SECISBP2: variants seen among roughly 807,000 people sequenced by gnomAD.
SECISBP2 encodes the protein selenocysteine insertion sequence-binding protein 2.
In SECISBP2, 96 loss-of-function variants were observed where a neutral mutation model predicts 98.2. The ratio of observed to expected loss-of-function variants is 0.98; its 90% CI spans 0.83 to 1.16. The LOEUF (loss-of-function observed/expected upper bound fraction) is 1.16. SECISBP2 is among the 50% of genes most tolerant of loss of function. The probability of loss-of-function intolerance (pLI) is 0.00; values close to 1 mark genes in which losing one functional copy is unlikely to be tolerated. For synonymous variants in SECISBP2, 407 were observed against 370.2 expected (o/e 1.10, Z -1.14); for missense variants, 1,046 against 1,022.9 (o/e 1.02, Z -0.31).
chr9:89,344,225 T>C (rs1830108629), intron 10 of SECISBP2, among the ~76,000 whole-genome samples: 1 of 152,230 alleles, frequency 6.6e-6, no homozygotes, highest in African/African-American at 2.4e-5. Flanking sequence ...CTTTGTCCGA[T>C]GGATAGATTG....
At chr9:89,351,260 C>T (rs1444642303) in intron 14 of SECISBP2, among the ~76,000 whole-genome samples, 1 of 152,224 alleles carries the variant, frequency 6.6e-6, no homozygotes, top group Non-Finnish European at 1.5e-5. Flanking sequence ...CTGTGGTTGA[C>T]TCATCTGTTT....
chr9:89,355,979 A>AT (rs1399089762), intron 14 of SECISBP2, among the ~76,000 whole-genome samples: 4 of 151,958 alleles, frequency 2.6e-5, no homozygotes, highest in Non-Finnish European at 4.4e-5. Flanking sequence ...ATCTTTTTAT[A>AT]TTTTTTCCAT....
chr9:89,318,512 T>C lies in SECISBP2; in HGVS notation c.-65T>C, dbSNP rs970504680. The C allele has an allele frequency of 6.7e-7, 1 of 1,487,666 alleles. No homozygotes were observed. Among genetic ancestry groups the C allele is most frequent in the Non-Finnish European group, 9.0e-7 (1 of 1,112,286 alleles). 92.2% of individuals were successfully genotyped at this position (1,487,666 alleles called of 1,614,324 possible). Reference sequence around the variant, plus strand: ...CGCCTGCGGGGGCGGAAACGCTTTGTCTGTCCGGCAAGCCGACGGCCCGCT... The same window carrying C: ...CGCCTGCGGGGGCGGAAACGCTTTGCCTGTCCGGCAAGCCGACGGCCCGCT... On this transcript the variant is annotated 5_prime_UTR_variant, in exon 1 of 17. Coordinates refer to ENST00000375807, the MANE Select transcript of SECISBP2 (RefSeq NM_024077.5).
At chr9:89,362,843 C>A (rs1832911071), downstream of SECISBP2, among the ~76,000 whole-genome samples, 2 of 152,190 alleles carry the variant, frequency 1.3e-5, no homozygotes, top group Admixed American at 6.5e-5. Context: ...GTGATGAATC[C>A]CTGCCTTTGC....
intron 4 of SECISBP2, among the ~76,000 whole-genome samples, chr9:89,327,124 C>G (rs1826851391): frequency 6.6e-6 from 1 of 151,650 alleles, no homozygotes; most frequent in South Asian, 2.1e-4. Flanking sequence ...ATCAAGCGTC[C>G]CTGCACTCCA....
chr9:89,333,960 C>A, intron 6 of SECISBP2: 1 of 977,598 alleles, frequency 1.0e-6, no homozygotes, highest in Non-Finnish European at 1.2e-6. Flanking sequence ...GGGGTAGCCA[C>A]AGGCTGCTGA....
chr9:89,324,043 C>G (rs995396869), intron 2 of SECISBP2: 1 of 152,314 alleles, frequency 6.6e-6, no homozygotes, highest in Non-Finnish European at 1.5e-5. Context: ...GTTCATTTAT[C>G]TATTTATTGG....
At chr9:89,319,158 A>G in intron 1 of SECISBP2, 1 of 693,702 alleles carries the variant, frequency 1.4e-6, no homozygotes, top group African/African-American at 2.0e-5. Flanking sequence ...TTTTCTAGCA[A>G]AGCAAGGTTT....
the SECISBP2 span, among the ~76,000 whole-genome samples, chr9:89,366,917 A>C: frequency 6.6e-6 from 1 of 152,176 alleles, no homozygotes; most frequent in Non-Finnish European, 1.5e-5. Flanking sequence ...CTTGAGACTA[A>C]GAATCTGGGT....
chr9:89,366,916 A>AAG, the SECISBP2 span, among the ~76,000 whole-genome samples: 1 of 152,138 alleles, frequency 6.6e-6, no homozygotes, highest in African/African-American at 2.4e-5. Flanking sequence ...CCTTGAGACT[A>AAG]AGAATCTGGG....
rs1488299342 is a variant in SECISBP2, at chr9:89,338,512, A to G, written c.1144A>G (p.Lys382Glu). The G allele has an allele frequency of 6.2e-7, 1 of 1,613,354 alleles. No homozygotes were observed. ...LEQNEASRKN[K>E]KKKEKSTSKY... Reference sequence around the variant, plus strand: ...ACAAAATGAAGCCTCAAGAAAGAATAAGAAAAAGAAAGAAAAATCTACATC... The same window carrying G: ...ACAAAATGAAGCCTCAAGAAAGAATGAGAAAAAGAAAGAAAAATCTACATC... Residue 382 changes from lysine (K) to glutamate (E), a missense_variant, in exon 8 of 17, where the codon AAG (lysine) becomes GAG (glutamate). Lys to Glu is a moderately conservative substitution (Grantham distance 56). Coordinates refer to ENST00000375807, the MANE Select transcript of SECISBP2 (RefSeq NM_024077.5).
chr9:89,319,869 C>A, intron 2 of SECISBP2, 72 bp downstream of exon 2: 1 of 1,518,028 alleles, frequency 6.6e-7, no homozygotes, highest in Non-Finnish European at 9.1e-7. Flanking sequence ...CTTTCAAATA[C>A]TCAGCAGTTA....
chr9:89,321,076 C>T (rs1305037531), intron 2 of SECISBP2, among the ~76,000 whole-genome samples: 1 of 152,150 alleles, frequency 6.6e-6, no homozygotes, highest in Admixed American at 6.5e-5. Flanking sequence ...TGAAACACTA[C>T]CTTTATATGC....
Position 89,358,038 on chromosome 9 carries a change from C to G in SECISBP2, c.2308C>G (p.Arg770Gly). The G allele has an allele frequency of 6.2e-7, 1 of 1,613,540 alleles. No individual in the cohort carries two copies. ...HKMVELTVAA[R>G]QAYKTMLENV... ...GATGGTTGAGCTGACAGTGGCGGCCCGACAGGCGTACAAGACCATGCTGGA... is the reference window on the plus strand; with the variant it reads ...GATGGTTGAGCTGACAGTGGCGGCCGGACAGGCGTACAAGACCATGCTGGA... The change falls in exon 16 of 17, where the codon CGA becomes GGA. Residue 770 changes from arginine (R) to glycine (G), a missense_variant. Physicochemically the swap from Arg to Gly is moderately radical, Grantham distance 125. Coordinates refer to ENST00000375807, the MANE Select transcript of SECISBP2 (RefSeq NM_024077.5).
chr9:89,332,133 G>T (rs796638303), intron 5 of SECISBP2, among the ~76,000 whole-genome samples: 2 of 152,088 alleles, frequency 1.3e-5, no homozygotes, highest in African/African-American at 4.8e-5. Context: ...AACTGCTTAG[G>T]CTTTTTTAAA....
At chr9:89,340,075 A>G (rs1829429127) in intron 9 of SECISBP2, 122 bp downstream of exon 9, 1 of 714,048 alleles carries the variant, frequency 1.4e-6, no homozygotes, top group South Asian at 1.5e-5. Flanking sequence ...GTTTTGATTC[A>G]TTCCTTCATG....
intron 8 of SECISBP2, 109 bp from the exon 9 acceptor site, chr9:89,339,755 A>T: frequency 1.2e-6 from 1 of 807,704 alleles, no homozygotes; most frequent in Admixed American, 2.1e-5. Context: ...TTTTTTTTTA[A>T]ATCACTTTTA....
rs527975463 is a variant in SECISBP2 at position 89,335,458 on chromosome 9, G to A, written c.1089+728G>A. On this transcript the variant is annotated intron_variant, in intron 7 of 16. Transcript: ENST00000375807. ...AGCAATTCTCCTGCCTCTGCCTCCC[G>A]AATAGCTGGGATTACAGGTGCCTGC... Among the ~76,000 whole-genome samples, 15 of 151,744 alleles carry A rather than the reference G, an allele frequency of 9.9e-5. No individual in the cohort carries two copies. In the East Asian group the frequency reaches 1.6e-3, roughly 16 times the overall value.
rs1431331019 is a variant in SECISBP2, at chr9:89,349,631, TC to T, written c.1739-144del. On this transcript the variant is annotated intron_variant, in intron 12 of 16. Coordinates refer to ENST00000375807, the MANE Select transcript of SECISBP2 (RefSeq NM_024077.5). ...GCATCCTCGTCTGTTTTTTCTGCCTTCTGTAAACCTCTCTGCATGTTGTCTG... is the reference window on the plus strand; with the variant it reads ...GCATCCTCGTCTGTTTTTTCTGCCTTTGTAAACCTCTCTGCATGTTGTCTG... 5.6e-6 allele frequency: 5 copies of T among 886,896 alleles called. No homozygotes were observed. In the East Asian group the frequency reaches 1.0e-4, roughly 19 times the overall value. The allele number at this position is 886,896 out of a possible 1,614,324, so 54.9% of individuals were successfully genotyped here. A position where few individuals can be genotyped will look rare whatever the true frequency, so the allele number is the denominator to read the frequency against.
Sources: allele counts gnomAD v4.1 joint callset (sites outside exome capture counted in the v4.1 genomes callset), GRCh38; gene constraint gnomAD v4.1.1; transcripts MANE v1.5; gene names NCBI Gene and HGNC (gene_info 2026-07-23, HGNC 2026-07-21).